The following EYA1 variants were observed in gnomAD, a reference collection of about 807,000 sequenced individuals.
EYA1 encodes EYA transcriptional coactivator and phosphatase 1, also known as protein phosphatase EYA1.
Under a neutral mutation model 82.0 loss-of-function variants are expected in EYA1, and 16 were observed. The ratio of observed to expected loss-of-function variants is 0.20; its 90% CI spans 0.13 to 0.30. The LOEUF (loss-of-function observed/expected upper bound fraction) is 0.30, where lower values mean the gene tolerates loss of function less well. Among genes scored for constraint, EYA1 ranks in the 10% least tolerant of loss-of-function variants. The probability of loss-of-function intolerance (pLI) is 1.00; values close to 1 mark genes in which losing one functional copy is unlikely to be tolerated. For missense variants in EYA1, 633 were observed against 730.7 expected (o/e 0.87, Z 1.54); for synonymous variants, 261 against 264.4 (o/e 0.99, Z 0.12).
intron 11 of EYA1, among the ~76,000 whole-genome samples, chr8:71,255,925 A>G (rs1353088087): frequency 6.6e-6 from 1 of 152,210 alleles, no homozygotes; most frequent in Admixed American, 6.5e-5. Flanking sequence ...AAGAAGTTAT[A>G]CAAATGGTCA....
At chr8:71,296,709 A>G (rs1197289687) in intron 9 of EYA1, among the ~76,000 whole-genome samples, 3 of 152,068 alleles carry the variant, frequency 2.0e-5, no homozygotes. Flanking sequence ...TCTACCTCAA[A>G]ACAGAAATTG....
intron 17 of EYA1, 70 bp downstream of exon 17, chr8:71,211,086 G>T: frequency 2.1e-6 from 2 of 941,986 alleles, no homozygotes; most frequent in Non-Finnish European, 3.5e-6. Context: ...CTGTTTAAAT[G>T]ATCCAGTTAT....
intron 12 of EYA1, among the ~76,000 whole-genome samples, chr8:71,223,606 C>G (rs367768383): frequency 6.6e-6 from 1 of 152,160 alleles, no homozygotes; most frequent in Admixed American, 6.5e-5. Flanking sequence ...ACATGGGGCA[C>G]GATCTCACAG....
At chr8:71,396,410 C>G (rs1420198286) in intron 2 of EYA1, among the ~76,000 whole-genome samples, 2 of 152,166 alleles carry the variant, frequency 1.3e-5, no homozygotes, top group Non-Finnish European at 2.9e-5. Context: ...ATCTTTCCTG[C>G]TTTCTCTTGT....
chr8:71,262,269 G>C (rs937678031), intron 11 of EYA1, among the ~76,000 whole-genome samples: 2 of 152,106 alleles, frequency 1.3e-5, no homozygotes, highest in Non-Finnish European at 2.9e-5. Context: ...CACATTTTCT[G>C]CTACTATTCT....
intron 1 of EYA1, among the ~76,000 whole-genome samples, chr8:71,361,429 C>T (rs1244804923): frequency 2.0e-5 from 3 of 152,276 alleles, no homozygotes; most frequent in East Asian, 1.9e-4. Flanking sequence ...TGATCCTGAT[C>T]GCTCATAATT....
chr8:71,391,000 G>T (rs927414071), intron 2 of EYA1, among the ~76,000 whole-genome samples: 3 of 151,810 alleles, frequency 2.0e-5, no homozygotes, highest in African/African-American at 2.4e-5. Flanking sequence ...TTGAGACAGG[G>T]TCTCGCTCTG....
At chr8:71,406,705 A>C (rs9694388) in intron 2 of EYA1, among the ~76,000 whole-genome samples, 38,176 of 151,000 alleles carry the variant, frequency 0.25, 4,985 homozygotes, top group Middle Eastern at 0.34. Flanking sequence ...ACATCCTGCA[A>C]CTGGCTCGGA....
intron 12 of EYA1, among the ~76,000 whole-genome samples, chr8:71,234,067 A>T (rs1811546404): frequency 6.6e-6 from 1 of 151,664 alleles, no homozygotes. Context: ...CCAAATCCCC[A>T]CTCCTGGACT....
At chr8:71,347,245 A>G (rs1013009987) in intron 3 of EYA1, among the ~76,000 whole-genome samples, 2 of 152,222 alleles carry the variant, frequency 1.3e-5, no homozygotes, top group African/African-American at 2.4e-5. Context: ...ACAGTAACAC[A>G]TTGTATTCAC....
intron 2 of EYA1, among the ~76,000 whole-genome samples, chr8:71,403,020 TG>T (rs1830037990): frequency 6.6e-6 from 1 of 152,118 alleles, no homozygotes; most frequent in Non-Finnish European, 1.5e-5. Context: ...AAGCTTTGAG[TG>T]GGTGAGATTT....
chr8:71,531,367 A>G (rs1404981762), intron 2 of EYA1: 2 of 152,210 alleles, frequency 1.3e-5, no homozygotes, highest in African/African-American at 4.8e-5. Flanking sequence ...ACAGCTAGTA[A>G]AAGATAAAAC....
At chr8:71,233,695 C>T (rs1554602477) in intron 12 of EYA1, among the ~76,000 whole-genome samples, 1 of 151,910 alleles carries the variant, frequency 6.6e-6, no homozygotes, top group Non-Finnish European at 1.5e-5. Context: ...TATATTGTGT[C>T]TTGACATTAA....
intron 7 of EYA1, among the ~76,000 whole-genome samples, chr8:71,307,449 C>T (rs532168134): frequency 2.0e-5 from 3 of 152,212 alleles, no homozygotes; most frequent in East Asian, 3.9e-4. Flanking sequence ...GGATTACAAG[C>T]GTGTCCGTCC....
chr8:71,340,333 A>C (rs879940071), intron 3 of EYA1, among the ~76,000 whole-genome samples: 2 of 152,194 alleles, frequency 1.3e-5, no homozygotes, highest in South Asian at 4.1e-4. Context: ...AGAATACAAG[A>C]GTACTGAAAA....
At chr8:71,286,752 C>T (rs1355691636) in intron 9 of EYA1, among the ~76,000 whole-genome samples, 2 of 149,714 alleles carry the variant, frequency 1.3e-5, no homozygotes, top group Admixed American at 6.7e-5. Context: ...ATCAAACCTT[C>T]AAAGTTACGT....
chr8:71,395,474 C>T (rs1175668348), intron 2 of EYA1, among the ~76,000 whole-genome samples: 3 of 152,082 alleles, frequency 2.0e-5, no homozygotes, highest in Admixed American at 6.5e-5. Context: ...CCATCATTAC[C>T]GAGTTTATTG....
chr8:71,520,335 TAAGG>T lies in EYA1; in HGVS notation c.33+15405_33+15408del, dbSNP rs368390457. ...GCAAGTGCCTTAGGAGGCTTATCCT[TAAGG>T]AAGAGAAGTCCAGAGCCAAAACTAA... is the stretch of plus-strand genomic sequence containing the variant. On this transcript the variant is annotated intron_variant, in intron 2 of 18. Coordinates refer to the EYA1 transcript ENST00000643681. Among the ~76,000 whole-genome samples, 772 of 152,204 alleles carry T rather than the reference TAAGG, an allele frequency of 5.1e-3. 7 individuals are homozygous for T. The highest frequency in any genetic ancestry group is 0.018 in the African/African-American group (739 of 41,524).
At chr8:71,362,155 C>CTTTTTTTTTTTT (rs35320129), upstream of EYA1, 173 of 824,254 alleles carry the variant, frequency 2.1e-4, no homozygotes, top group Middle Eastern at 6.6e-4. Flanking sequence ...TCGGGGCTTT[C>CTTTTTTTTTTTT]TTTTTTTTTT....
Sources: allele counts gnomAD v4.1 joint callset (sites outside exome capture counted in the v4.1 genomes callset), GRCh38; gene constraint gnomAD v4.1.1; transcripts MANE v1.5; gene names NCBI Gene and HGNC (gene_info 2026-07-23, HGNC 2026-07-21).